CAMK1D: variants seen among roughly 807,000 people sequenced by gnomAD.
CAMK1D encodes the protein calcium/calmodulin dependent protein kinase ID.
A neutral mutation model predicts 47.7 loss-of-function variants in CAMK1D; 9 were observed. That is an observed-to-expected ratio of 0.19 (90% confidence interval 0.11 to 0.33). CAMK1D has a LOEUF of 0.33. CAMK1D is among the 10% of genes least tolerant of loss of function. The pLI, the probability that CAMK1D is intolerant of heterozygous loss-of-function variation, is 1.00. For missense variants in CAMK1D, 291 were observed against 488.7 expected, an observed-to-expected ratio of 0.60 and a Z score of 3.81; for synonymous variants, 184 against 184.9, an observed-to-expected ratio of 0.99 and a Z score of 0.04.
chr10:12,674,599 C>CTTTTTTTT lies in CAMK1D; in HGVS notation c.299+7800_299+7807dup, dbSNP rs11391139. Among the ~76,000 whole-genome samples the CTTTTTTTT allele has an allele frequency of 2.4e-3, 152 of 63,460 alleles. 8 individuals carry two copies. The highest frequency in any genetic ancestry group is 8.4e-3 in the African/African-American group (127 of 15,194). The allele number at this position is 63,460 out of a possible 152,430, so 41.6% of individuals were successfully genotyped here. On this transcript the variant is annotated intron_variant, in intron 3 of 10. Transcript: ENST00000619168. ...TTTTATTTGGGTTTTTGGAAAAATG[C>CTTTTTTTT]TTTTTTTTTTTTTTTTTTCAGAATT...
At chr10:12,824,764 T>G (rs1033136772) in intron 9 of CAMK1D, among the ~76,000 whole-genome samples, 8 of 152,196 alleles carry the variant, frequency 5.3e-5, no homozygotes, top group African/African-American at 1.2e-4. Flanking sequence ...ACAGCAATAG[T>G]GCCAGCTCTT....
intron 2 of CAMK1D, among the ~76,000 whole-genome samples, chr10:12,602,768 C>T (rs1352345049): frequency 1.3e-5 from 2 of 151,968 alleles, no homozygotes; most frequent in East Asian, 1.9e-4. Context: ...GCATGGAGGC[C>T]GCTCTGCCTA....
intron 6 of CAMK1D, among the ~76,000 whole-genome samples, chr10:12,806,170 C>G (rs977452067): frequency 1.1e-4 from 17 of 152,192 alleles, no homozygotes; most frequent in Non-Finnish European, 1.5e-4. Flanking sequence ...TTCCCCTGAC[C>G]AGCTCCAAAT....
At chr10:12,801,354 T>TATCTATCTATCTATCTTATC (rs57429397) in intron 6 of CAMK1D, among the ~76,000 whole-genome samples, 23 of 66,558 alleles carry the variant, frequency 3.5e-4, no homozygotes, top group South Asian at 5.5e-4. Context: ...TCTATCTATC[T>TATCTATCTATCTATCTTATC]TATCTATCTA....
Position 12,639,223 on chromosome 10 carries a change from C to T in CAMK1D, c.225-27513C>T, listed in dbSNP as rs565065894. 5.9e-5 allele frequency among the ~76,000 whole-genome samples: 9 copies of T among 152,340 alleles called. No homozygotes were observed. The East Asian group carries it at 1.3e-3, about 23-fold the overall frequency. On this transcript the variant is annotated intron_variant, in intron 2 of 10. Coordinates refer to ENST00000619168, the MANE Select transcript of CAMK1D (RefSeq NM_153498.4). ...TAATCAGGCCGGGTGCAGTGGCTCA[C>T]GCCTGTAATCCCAGCTCTTTGGGAG...
intron 3 of CAMK1D, among the ~76,000 whole-genome samples, chr10:12,751,044 C>T (rs1482558568): frequency 6.8e-6 from 1 of 146,566 alleles, no homozygotes; most frequent in Non-Finnish European, 1.5e-5. Flanking sequence ...CGGAGCCCGT[C>T]TCCCCCAATA....
chr10:12,418,517 A>G (rs1242708913), intron 1 of CAMK1D, among the ~76,000 whole-genome samples: 1 of 152,154 alleles, frequency 6.6e-6, no homozygotes, highest in East Asian at 1.9e-4. Flanking sequence ...CTGAGGTGGG[A>G]GGATTGCTTG....
At chr10:12,443,402 G>A (rs1378118741) in intron 1 of CAMK1D, among the ~76,000 whole-genome samples, 1 of 151,888 alleles carries the variant, frequency 6.6e-6, no homozygotes, top group Admixed American at 6.6e-5. Context: ...ATAGTGTCGT[G>A]ATGACCTTCA....
chr10:12,627,576 A>G (rs898122635), intron 2 of CAMK1D, among the ~76,000 whole-genome samples: 2 of 152,038 alleles, frequency 1.3e-5, no homozygotes, highest in Non-Finnish European at 2.9e-5. Flanking sequence ...ACAACCACTC[A>G]TCTGATTTGT....
At chr10:12,721,267 C>T (rs1387058670) in intron 3 of CAMK1D, among the ~76,000 whole-genome samples, 2 of 152,202 alleles carry the variant, frequency 1.3e-5, no homozygotes. Flanking sequence ...GCTTTTTTCT[C>T]ACTTAATGGA....
intron 2 of CAMK1D, among the ~76,000 whole-genome samples, chr10:12,641,771 G>A (rs1839673000): frequency 6.6e-6 from 1 of 152,140 alleles, no homozygotes; most frequent in Admixed American, 6.5e-5. Flanking sequence ...GTGGGCAGGT[G>A]CAGTGGCTCA....
rs138724460 is a variant in CAMK1D, at chr10:12,476,621, C to T, written c.93-76604C>T. The stretch of plus-strand genomic sequence containing the variant: ...TTATCATGTCGAGATTTTTTAATTT[C>T]GGGAATCTGGAGTGGGGAGGGTCAT... On this transcript the variant is annotated intron_variant, in intron 1 of 10. Coordinates refer to ENST00000619168, the MANE Select transcript of CAMK1D (RefSeq NM_153498.4). Among the ~76,000 whole-genome samples the T allele has an allele frequency of 2.1e-3, 319 of 152,072 alleles. 1 individual carries two copies. The highest frequency in any genetic ancestry group is 7.3e-3 in the African/African-American group (302 of 41,478).
chr10:12,354,702 G>A (rs888165342), intron 1 of CAMK1D, among the ~76,000 whole-genome samples: 4 of 151,700 alleles, frequency 2.6e-5, no homozygotes, highest in Non-Finnish European at 4.4e-5. Flanking sequence ...GAGCCGCCGC[G>A]CCCAGCCGAT....
At chr10:12,361,062 G>A (rs574191919) in intron 1 of CAMK1D, among the ~76,000 whole-genome samples, 9 of 152,146 alleles carry the variant, frequency 5.9e-5, no homozygotes, top group Non-Finnish European at 1.3e-4. Flanking sequence ...CATATAAGTT[G>A]GGGACATCCT....
intron 1 of CAMK1D, among the ~76,000 whole-genome samples, chr10:12,374,070 A>G (rs1214041914): frequency 2.7e-5 from 4 of 149,606 alleles, no homozygotes; most frequent in East Asian, 2.0e-4. Context: ...GACCAGCCTG[A>G]CCAACATGGT....
intron 1 of CAMK1D, among the ~76,000 whole-genome samples, chr10:12,393,113 G>A (rs925948842): frequency 2.2e-4 from 34 of 151,208 alleles, no homozygotes; most frequent in African/African-American, 7.8e-4. Context: ...CTCACTCCAA[G>A]CTCCGCCTCC....
chr10:12,494,514 A>T (rs1197736227), intron 1 of CAMK1D, among the ~76,000 whole-genome samples: 1 of 152,154 alleles, frequency 6.6e-6, no homozygotes, highest in Non-Finnish European at 1.5e-5. Flanking sequence ...TGCATCATAA[A>T]GCCAGATATT....
chr10:12,493,749 C>T (rs887342202), intron 1 of CAMK1D, among the ~76,000 whole-genome samples: 4 of 152,184 alleles, frequency 2.6e-5, no homozygotes, highest in South Asian at 2.1e-4. Flanking sequence ...CTGCCTCAAC[C>T]TCCCAAAGTG....
In CAMK1D at chr10:12,404,694, A is replaced by T. The variant is rs532404739; in HGVS notation, c.92+54784A>T. Among the ~76,000 whole-genome samples the T allele has an allele frequency of 4.6e-3, 668 of 144,298 alleles. 6 individuals carry two copies. The highest frequency in any genetic ancestry group is 0.016 in the African/African-American group (621 of 37,982). The allele number at this position is 144,298 out of a possible 152,430, so 94.7% of individuals were successfully genotyped here. A position where few individuals can be genotyped will look rare whatever the true frequency, so the allele number is the denominator to read the frequency against. On this transcript the variant is annotated intron_variant, in intron 1 of 10. Coordinates refer to ENST00000619168, the MANE Select transcript of CAMK1D (RefSeq NM_153498.4). ...TAATGACCAAGAAAACTGTGTTTTT[A>T]AAAATTTTTTTTTTTTTTGAGATGG...
Sources: allele counts gnomAD v4.1 joint callset (sites outside exome capture counted in the v4.1 genomes callset), GRCh38; gene constraint gnomAD v4.1.1; transcripts MANE v1.5; gene names NCBI Gene and HGNC (gene_info 2026-07-23, HGNC 2026-07-21).